The following SHISA9 variants were observed in gnomAD, a reference collection of about 807,000 sequenced individuals.
SHISA9 encodes protein shisa-9.
SHISA9 carries 13 observed loss-of-function variants against 38.0 expected under a neutral mutation model. The ratio of observed to expected loss-of-function variants is 0.34; its 90% CI spans 0.22 to 0.54. The LOEUF is 0.54. SHISA9 is among the 20% of genes least tolerant of loss of function. The pLI, the probability that SHISA9 is intolerant of heterozygous loss-of-function variation, is 0.91. For synonymous variants in SHISA9, 275 were observed against 242.0 expected (o/e 1.14, Z -1.27); for missense variants, 538 against 575.8 (o/e 0.93, Z 0.67).
chr16:13,477,741 G>C, the SHISA9 span, among the ~76,000 whole-genome samples: 1 of 152,194 alleles, frequency 6.6e-6, no homozygotes, highest in African/African-American at 2.4e-5. Flanking sequence ...GAGGCAGGTG[G>C]ATCACTTGAG....
intron 2 of SHISA9, among the ~76,000 whole-genome samples, chr16:12,963,411 G>C (rs2071936613): frequency 6.6e-6 from 1 of 152,176 alleles, no homozygotes; most frequent in African/African-American, 2.4e-5. Flanking sequence ...CAAGAGATGT[G>C]ACACAGACGT....
chr16:13,334,522 C>T, the SHISA9 span, among the ~76,000 whole-genome samples: 1 of 152,094 alleles, frequency 6.6e-6, no homozygotes, highest in African/African-American at 2.4e-5. Flanking sequence ...TGCCCGTAGT[C>T]CCAACACTTT....
intron 2 of SHISA9, among the ~76,000 whole-genome samples, chr16:12,918,974 C>T (rs1484566548): frequency 6.6e-6 from 1 of 152,174 alleles, no homozygotes; most frequent in Non-Finnish European, 1.5e-5. Flanking sequence ...ATTAATTCAG[C>T]AGCCGACAGT....
the SHISA9 span, among the ~76,000 whole-genome samples, chr16:13,261,179 A>T: frequency 6.6e-6 from 1 of 152,144 alleles, no homozygotes; most frequent in East Asian, 1.9e-4. Context: ...AAACAAGACC[A>T]TCTTGCCTAT....
At chr16:13,510,271 A>G in the SHISA9 span, among the ~76,000 whole-genome samples, 5 of 152,256 alleles carry the variant, frequency 3.3e-5, 1 homozygote, top group Middle Eastern at 3.4e-3. Context: ...TTGTGCCACT[A>G]TACACCAGCC....
the SHISA9 span, among the ~76,000 whole-genome samples, chr16:13,339,596 A>T: frequency 6.6e-6 from 1 of 152,192 alleles, no homozygotes; most frequent in Non-Finnish European, 1.5e-5. Context: ...TAATACCCAT[A>T]GTAGATTTTT....
At chr16:13,436,368 A>C in the SHISA9 span, among the ~76,000 whole-genome samples, 2 of 152,244 alleles carry the variant, frequency 1.3e-5, no homozygotes, top group Non-Finnish European at 2.9e-5. Context: ...CAATTTCACC[A>C]GTGCCAGGGA....
the SHISA9 span, among the ~76,000 whole-genome samples, chr16:13,475,819 T>A: frequency 2.0e-5 from 3 of 152,130 alleles, no homozygotes; most frequent in Non-Finnish European, 4.4e-5. Context: ...TGACAGATCA[T>A]CAGGTGTTAG....
At chr16:13,414,044 G>A in the SHISA9 span, among the ~76,000 whole-genome samples, 4 of 152,138 alleles carry the variant, frequency 2.6e-5, no homozygotes, top group African/African-American at 9.7e-5. Flanking sequence ...ACCACTTGAG[G>A]TTCATCTTGT....
intron 2 of SHISA9, among the ~76,000 whole-genome samples, chr16:13,082,892 C>T (rs1415634647): frequency 1.3e-5 from 2 of 152,180 alleles, no homozygotes; most frequent in Non-Finnish European, 2.9e-5. Flanking sequence ...GTAGAGAAAA[C>T]CCTTTCCTTC....
the SHISA9 span, among the ~76,000 whole-genome samples, chr16:13,252,209 G>A: frequency 6.6e-6 from 1 of 152,094 alleles, no homozygotes; most frequent in Non-Finnish European, 1.5e-5. Flanking sequence ...CTCTGCTCCA[G>A]CCCCCACTGG....
the SHISA9 span, among the ~76,000 whole-genome samples, chr16:13,375,969 A>C: frequency 6.6e-6 from 1 of 152,044 alleles, no homozygotes; most frequent in African/African-American, 2.4e-5. Context: ...GGTTTCAAAT[A>C]GTGGGAAAAA....
chr16:13,002,272 C>T (rs897672636), intron 2 of SHISA9, among the ~76,000 whole-genome samples: 1 of 152,130 alleles, frequency 6.6e-6, no homozygotes, highest in African/African-American at 2.4e-5. Context: ...CTTGTAAACA[C>T]CACACTCTAA....
intron 2 of SHISA9, among the ~76,000 whole-genome samples, chr16:12,996,214 GT>G (rs1204706374): frequency 6.6e-6 from 1 of 152,066 alleles, no homozygotes; most frequent in African/African-American, 2.4e-5. Context: ...TACACAATGT[GT>G]TTTTTTCAAA....
chr16:13,171,384 A>G (rs1024301653), intron 2 of SHISA9, among the ~76,000 whole-genome samples: 6 of 151,902 alleles, frequency 3.9e-5, no homozygotes, highest in African/African-American at 1.2e-4. Context: ...TAATCAACAA[A>G]TCACAGAGAC....
intron 2 of SHISA9, among the ~76,000 whole-genome samples, chr16:12,964,647 G>A (rs984450140): frequency 3.3e-5 from 5 of 152,116 alleles, no homozygotes; most frequent in Non-Finnish European, 5.9e-5. Context: ...AATCTGGCCC[G>A]AGACAGAAAG....
the SHISA9 span, among the ~76,000 whole-genome samples, chr16:13,382,580 C>T: frequency 6.8e-6 from 1 of 147,736 alleles, no homozygotes; most frequent in Non-Finnish European, 1.5e-5. Context: ...GGCGTGGTGG[C>T]TTTCGTCTGT....
At chr16:13,473,387 A>G in the SHISA9 span, among the ~76,000 whole-genome samples, 3 of 98,442 alleles carry the variant, frequency 3.0e-5, no homozygotes, top group African/African-American at 1.2e-4. Context: ...GGTATGTTTC[A>G]GGTGAGAAAG....
chr16:13,131,389 C>T (rs961808965), intron 2 of SHISA9, among the ~76,000 whole-genome samples: 2 of 152,160 alleles, frequency 1.3e-5, no homozygotes, highest in East Asian at 1.9e-4. Context: ...TGCATATTCT[C>T]ACTTACAAGT....
Sources: allele counts gnomAD v4.1 joint callset (sites outside exome capture counted in the v4.1 genomes callset), GRCh38; gene constraint gnomAD v4.1.1; transcripts MANE v1.5; gene names NCBI Gene and HGNC (gene_info 2026-07-23, HGNC 2026-07-21).